Variants in VGLL4 observed in about 807,000 individuals in gnomAD.
VGLL4 encodes the protein transcription cofactor vestigial-like protein 4.
A neutral mutation model predicts 21.0 loss-of-function variants in VGLL4; 7 were observed. That is an observed-to-expected ratio of 0.33 (90% CI 0.19 to 0.63). VGLL4 has a LOEUF of 0.63. Ranked by LOEUF, VGLL4 falls within the 20% of genes least tolerant of loss-of-function variation. The probability of loss-of-function intolerance (pLI) is 0.78; values close to 1 mark genes in which losing one functional copy is unlikely to be tolerated. For synonymous variants in VGLL4, 222 were observed against 173.2 expected, an observed-to-expected ratio of 1.28 and a Z score of -2.21; for missense variants, 394 against 425.7, an observed-to-expected ratio of 0.93 and a Z score of 0.66.
At chr3:11,683,031 C>A (rs986790996) in intron 2 of VGLL4, among the ~76,000 whole-genome samples, 3 of 152,002 alleles carry the variant, frequency 2.0e-5, no homozygotes, top group African/African-American at 7.2e-5. Flanking sequence ...AGTTCAAGAC[C>A]AAATGGCCAA....
In VGLL4 at chr3:11,556,145, T is replaced by TTTC. The variant is rs1206356332; in HGVS notation, c.*2408_*2410dup. On this transcript the variant is annotated 3_prime_UTR_variant, in exon 5 of 5. Transcript: ENST00000430365. Reference sequence around the variant, plus strand: ...AAAGATGGCCTGCCAAACCTTTTTTTTTCTTCTTCCAGGAAAAACAGGCCA... The same window carrying TTTC: ...AAAGATGGCCTGCCAAACCTTTTTTTTTCTTCTTCTTCCAGGAAAAACAGGCCA... The TTTC allele has an allele frequency of 6.5e-6, 1 of 152,704 alleles. No individual in the cohort carries two copies. The highest frequency in any genetic ancestry group is 1.5e-5 in the Non-Finnish European group (1 of 68,034). The allele number at this position is 152,704 out of a possible 1,614,324, so 9.5% of individuals were successfully genotyped here.
chr3:11,591,291 C>G (rs1018555943), intron 2 of VGLL4, among the ~76,000 whole-genome samples: 5 of 152,212 alleles, frequency 3.3e-5, no homozygotes, highest in African/African-American at 1.2e-4. Context: ...AGAAAAAAGT[C>G]CTTTCAAGGT....
chr3:11,689,037 G>A (rs1672914209), intron 2 of VGLL4, among the ~76,000 whole-genome samples: 1 of 151,964 alleles, frequency 6.6e-6, no homozygotes. Context: ...AAAAGAGAGA[G>A]AGAGATCAAT....
intron 4 of VGLL4, 55 bp from the exon 5 acceptor site, chr3:11,558,882 G>A (rs2072690638): frequency 3.2e-6 from 5 of 1,584,352 alleles, no homozygotes; most frequent in African/African-American, 1.3e-5. Flanking sequence ...AGACAGACAG[G>A]CACGGTTGCA....
chr3:11,586,370 A>C (rs951890636), intron 2 of VGLL4, among the ~76,000 whole-genome samples: 2 of 152,184 alleles, frequency 1.3e-5, no homozygotes, highest in African/African-American at 4.8e-5. Flanking sequence ...GAAGGATAGA[A>C]AGAGGAGATT....
intron 2 of VGLL4, among the ~76,000 whole-genome samples, chr3:11,674,880 T>C (rs1022261141): frequency 6.6e-6 from 1 of 152,056 alleles, no homozygotes; most frequent in Admixed American, 6.6e-5. Flanking sequence ...GAAAAAGACA[T>C]GAGACTAAGG....
Position 11,568,726 on chromosome 3 carries a change from G to C in VGLL4, c.273-3707C>G. The C allele has an allele frequency of 6.5e-7, 1 of 1,542,270 alleles. No homozygotes were observed. Among genetic ancestry groups the C allele is most frequent in the Non-Finnish European group, 8.7e-7 (1 of 1,142,980 alleles). ...CCAGGCGTCATGTGCTCCCGGGGACGGCAGAAAACCGCACGCATCCTGCCC... is the reference window on the plus strand; with the variant it reads ...CCAGGCGTCATGTGCTCCCGGGGACCGCAGAAAACCGCACGCATCCTGCCC... On this transcript the variant is annotated intron_variant, in intron 2 of 4. Transcript: ENST00000430365. This position sits in a 1 kb window ranked among gnomAD's most constrained non-coding sequence, Gnocchi z 5.9.
intron 1 of VGLL4, among the ~76,000 whole-genome samples, chr3:11,620,699 C>G (rs929256787): frequency 1.3e-5 from 2 of 152,142 alleles, no homozygotes; most frequent in African/African-American, 4.8e-5. Context: ...AATAAATTCA[C>G]AACTCCCCTT....
chr3:11,578,428 T>C (rs1337454346), intron 2 of VGLL4, among the ~76,000 whole-genome samples: 1 of 152,180 alleles, frequency 6.6e-6, no homozygotes, highest in Non-Finnish European at 1.5e-5. Flanking sequence ...CGCCTTCCCA[T>C]GGTCCAGCCC....
intron 4 of VGLL4, 48 bp downstream of exon 4, chr3:11,559,284 G>A: frequency 6.7e-7 from 1 of 1,483,660 alleles, no homozygotes; most frequent in Non-Finnish European, 9.0e-7. Flanking sequence ...GAAGGGCTCT[G>A]CTGCCACTAG....
intron 2 of VGLL4, among the ~76,000 whole-genome samples, chr3:11,668,586 C>T (rs951441234): frequency 9.2e-5 from 14 of 152,126 alleles, no homozygotes; most frequent in African/African-American, 2.7e-4. Context: ...AGTTACCTTT[C>T]GAAAACCCAT....
chr3:11,573,252 AAAG>A lies in VGLL4; in HGVS notation c.273-8236_273-8234del, dbSNP rs1559869232. Among the ~76,000 whole-genome samples, 271 of 35,672 alleles carry A rather than the reference AAAG, an allele frequency of 7.6e-3. 24 individuals are homozygous for A. The highest frequency in any genetic ancestry group is 0.02 in the African/African-American group (260 of 13,268). The allele number at this position is 35,672 out of a possible 152,430, so 23.4% of individuals were successfully genotyped here. On this transcript the variant is annotated intron_variant, in intron 2 of 4. Transcript: ENST00000430365. ...ACAGAAAGAAAAGAAATAGAGAAAG[AAAG>A]AAAGAAAGAAAGAAAGAAAGAAAGA...
chr3:11,566,217 C>T (rs1206848844), intron 2 of VGLL4, among the ~76,000 whole-genome samples: 1 of 151,820 alleles, frequency 6.6e-6, no homozygotes, highest in African/African-American at 2.4e-5. Flanking sequence ...CTGAATGTTA[C>T]ACACACGCAC....
At chr3:11,630,637 A>ACTCCGT (rs1237923513) in intron 1 of VGLL4, among the ~76,000 whole-genome samples, 1 of 152,074 alleles carries the variant, frequency 6.6e-6, no homozygotes, top group Non-Finnish European at 1.5e-5. Context: ...CAAGAGTGAA[A>ACTCCGT]CTCCGTCTCA....
chr3:11,610,799 C>A (rs1176933618), intron 1 of VGLL4: 1 of 152,226 alleles, frequency 6.6e-6, no homozygotes, highest in Non-Finnish European at 1.5e-5. Context: ...ATTTCATACA[C>A]ACTATACTTT....
intron 2 of VGLL4, among the ~76,000 whole-genome samples, chr3:11,667,266 A>G (rs2076140269): frequency 6.6e-6 from 1 of 152,260 alleles, no homozygotes; most frequent in East Asian, 1.9e-4. Context: ...GACAGGTTAC[A>G]GAGCTTGGGC....
rs141754738 is a variant in VGLL4 at position 11,601,889 on chromosome 3, G to A, written c.216C>T (p.Asp72=). 46 of 1,613,902 alleles carry A rather than the reference G, an allele frequency of 2.9e-5. No homozygotes were observed. The African/African-American group carries it at 5.7e-4, about 20-fold the overall frequency. ...RKFSMEPGDE[D]LDCDNDHVSK... is the part of the protein sequence containing the mutation. ...AGACGTGGTCGTTGTCACAGTCTAG[G>A]TCCTCGTCACCTGGCTCCATGCTGA... The change falls in exon 2 of 5, where the codon GAC becomes GAT. Residue 72 remains aspartate, a synonymous_variant. Transcript: ENST00000430365.
chr3:11,605,014 C>T (rs2074898186), intron 1 of VGLL4, among the ~76,000 whole-genome samples: 1 of 140,802 alleles, frequency 7.1e-6, no homozygotes. Context: ...AGATGGAAAC[C>T]CCGCAGGGCT....
chr3:11,670,762 G>A (rs1240570440), intron 2 of VGLL4, among the ~76,000 whole-genome samples: 2 of 152,186 alleles, frequency 1.3e-5, no homozygotes. Context: ...GGTGGGCCAG[G>A]CACAGTGACT....
Sources: allele counts gnomAD v4.1 joint callset (sites outside exome capture counted in the v4.1 genomes callset), GRCh38; gene constraint gnomAD v4.1.1; non-coding constraint Gnocchi (gnomAD v3.1); transcripts MANE v1.5; gene names NCBI Gene and HGNC (gene_info 2026-07-23, HGNC 2026-07-21).